Variants in FAM107B observed in about 807,000 individuals in gnomAD.
FAM107B encodes the protein protein FAM107B.
A neutral mutation model predicts 31.5 loss-of-function variants in FAM107B; 21 were observed. The ratio of observed to expected loss-of-function variants is 0.67; its 90% CI spans 0.47 to 0.96. The LOEUF (loss-of-function observed/expected upper bound fraction) is 0.96, where lower values mean the gene tolerates loss of function less well. Among genes scored for constraint, FAM107B ranks in the 40% least tolerant of loss-of-function variants. The pLI, the probability that FAM107B is intolerant of heterozygous loss-of-function variation, is 0.00. For synonymous variants in FAM107B, 157 were observed against 141.5 expected (o/e 1.11, Z -0.78); for missense variants, 452 against 377.1 (o/e 1.20, Z -1.64).
At chr10:14,682,346 T>G (rs1326556540) in intron 1 of FAM107B, among the ~76,000 whole-genome samples, 1 of 152,080 alleles carries the variant, frequency 6.6e-6, no homozygotes, top group Non-Finnish European at 1.5e-5. Flanking sequence ...CTGGCCAACA[T>G]AGTGAAACCT....
At chr10:14,595,422 C>CTTTTTTTTTTTT (rs35540585) in intron 2 of FAM107B, among the ~76,000 whole-genome samples, 1 of 98,148 alleles carries the variant, frequency 1.0e-5, no homozygotes. Flanking sequence ...CTAGGGCAAC[C>CTTTTTTTTTTTT]TTTTTTTTTT....
At chr10:14,716,964 C>T (rs936413181) in intron 1 of FAM107B, among the ~76,000 whole-genome samples, 6 of 152,052 alleles carry the variant, frequency 3.9e-5, no homozygotes, top group Admixed American at 3.3e-4. Context: ...GTGGCGAGCA[C>T]CTGTAATCCC....
chr10:14,676,831 C>A (rs1300273832), intron 1 of FAM107B, among the ~76,000 whole-genome samples: 1 of 152,188 alleles, frequency 6.6e-6, no homozygotes, highest in Non-Finnish European at 1.5e-5. Context: ...AAAAGTTGTT[C>A]TCTGTAATAT....
chr10:14,772,939 G>T (rs146615672), intron 1 of FAM107B, among the ~76,000 whole-genome samples: 1 of 152,066 alleles, frequency 6.6e-6, no homozygotes, highest in Non-Finnish European at 1.5e-5. Context: ...AAAGTCTTCC[G>T]GTTCATTAAA....
intron 1 of FAM107B, among the ~76,000 whole-genome samples, 184 bp from the exon 2 acceptor site, chr10:14,667,875 G>A (rs1782445779): frequency 6.6e-6 from 1 of 151,924 alleles, no homozygotes; most frequent in Admixed American, 6.6e-5. Context: ...GCCAAGTAGA[G>A]TAGAGTAACT....
chr10:14,615,244 A>G (rs1327402028), intron 2 of FAM107B, among the ~76,000 whole-genome samples: 2 of 152,058 alleles, frequency 1.3e-5, no homozygotes, highest in Non-Finnish European at 2.9e-5. Context: ...CAGGAGGACC[A>G]CTTGAACCTG....
intron 1 of FAM107B, among the ~76,000 whole-genome samples, chr10:14,673,158 T>C (rs2131482573): frequency 6.6e-6 from 1 of 152,358 alleles, no homozygotes; most frequent in African/African-American, 2.4e-5. Context: ...TCTGTTCTTC[T>C]AGCTATTTGA....
intron 2 of FAM107B, among the ~76,000 whole-genome samples, chr10:14,651,628 C>A (rs752028862): frequency 5.9e-5 from 9 of 152,062 alleles, no homozygotes; most frequent in Non-Finnish European, 1.3e-4. Context: ...ACAGATATAT[C>A]CACACATAAC....
Position 14,767,043 on chromosome 10 carries a change from TATATATATATATAG to T in FAM107B, c.411+7196_411+7209del, listed in dbSNP as rs1258613146. The stretch of plus-strand genomic sequence containing the variant: ...GTGTATGTATATATATATATATATA[TATATATATATATAG>T]AGAGAGAGAGAGAGAGAGAGAGAGA... On this transcript the variant is annotated intron_variant, in intron 1 of 4. Transcript: ENST00000181796. Among the ~76,000 whole-genome samples, 15 of 37,940 alleles carry T rather than the reference TATATATATATATAG, an allele frequency of 4.0e-4. No homozygotes were observed. In the South Asian group the frequency reaches 4.8e-3, roughly 12 times the overall value. The allele number at this position is 37,940 out of a possible 152,430, so 24.9% of individuals were successfully genotyped here. A position where few individuals can be genotyped will look rare whatever the true frequency, so the allele number is the denominator to read the frequency against.
chr10:14,570,140 G>A (rs1285207447), intron 2 of FAM107B, among the ~76,000 whole-genome samples: 1 of 151,982 alleles, frequency 6.6e-6, no homozygotes, highest in Non-Finnish European at 1.5e-5. Context: ...ATGCATACAA[G>A]GTAATTGAGT....
At chr10:14,764,232 T>A (rs1490820050) in intron 1 of FAM107B, among the ~76,000 whole-genome samples, 1 of 152,246 alleles carries the variant, frequency 6.6e-6, no homozygotes, top group African/African-American at 2.4e-5. Context: ...GCACTAATTA[T>A]AATTAATAAG....
At chr10:14,774,219 C>G in intron 1 of FAM107B, 34 bp downstream of exon 1, 1 of 1,570,640 alleles carries the variant, frequency 6.4e-7, no homozygotes, top group Non-Finnish European at 8.7e-7. Context: ...CCAGCTCCAT[C>G]CCGTCTATAA....
At chr10:14,562,326 C>T (rs1850314842) in intron 2 of FAM107B, among the ~76,000 whole-genome samples, 1 of 152,178 alleles carries the variant, frequency 6.6e-6, no homozygotes, top group African/African-American at 2.4e-5. Context: ...CCTAAACAGT[C>T]TTGGGAGAGA....
chr10:14,523,486 C>T (rs973498895), intron 3 of FAM107B, among the ~76,000 whole-genome samples: 24 of 152,152 alleles, frequency 1.6e-4, no homozygotes, highest in Admixed American at 1.2e-3. Context: ...GACTCTGTCC[C>T]GGACTCCAGG....
intron 2 of FAM107B, chr10:14,604,182 C>T: frequency 1.0e-6 from 1 of 974,640 alleles, no homozygotes; most frequent in Non-Finnish European, 1.2e-6. Flanking sequence ...AGGGCCGCCG[C>T]CCGCCTCCCC....
At chr10:14,619,009 A>G (rs11259230) in intron 2 of FAM107B, among the ~76,000 whole-genome samples, 39,331 of 151,898 alleles carry the variant, frequency 0.26, 5,775 homozygotes, top group East Asian at 0.52. Flanking sequence ...ATGTATCAAT[A>G]AGCTAAAGGG....
chr10:14,725,371 C>T (rs1339191725), intron 1 of FAM107B, among the ~76,000 whole-genome samples: 12 of 152,206 alleles, frequency 7.9e-5, no homozygotes. Flanking sequence ...CACAGAATAT[C>T]TTTAACTCTG....
At chr10:14,582,726 C>T (rs1203452555) in intron 2 of FAM107B, among the ~76,000 whole-genome samples, 1 of 152,108 alleles carries the variant, frequency 6.6e-6, no homozygotes, top group Non-Finnish European at 1.5e-5. Context: ...TGGAGGCACA[C>T]TACTCTTACA....
chr10:14,605,722 C>T (rs967733122), intron 2 of FAM107B, among the ~76,000 whole-genome samples: 1 of 152,154 alleles, frequency 6.6e-6, no homozygotes, highest in African/African-American at 2.4e-5. Flanking sequence ...GAACTTTATA[C>T]ATGGTGTTTC....
Sources: allele counts gnomAD v4.1 joint callset (sites outside exome capture counted in the v4.1 genomes callset), GRCh38; gene constraint gnomAD v4.1.1; transcripts MANE v1.5; gene names NCBI Gene and HGNC (gene_info 2026-07-23, HGNC 2026-07-21).